The following SCRG1 variants were observed in gnomAD, a reference collection of about 807,000 sequenced individuals.
SCRG1 encodes the protein scrapie-responsive protein 1.
Under a neutral mutation model 7.7 loss-of-function variants are expected in SCRG1, and 3 were observed. That is an observed-to-expected ratio of 0.39 (90% CI 0.18 to 1.01). The LOEUF is 1.01. SCRG1 is among the 50% of genes least tolerant of loss of function. The pLI is 0.36. For missense variants in SCRG1, 110 were observed against 117.2 expected, an observed-to-expected ratio of 0.94 and a Z score of 0.28; for synonymous variants, 46 against 41.2, an observed-to-expected ratio of 1.12 and a Z score of -0.44.
the SCRG1 span, among the ~76,000 whole-genome samples, chr4:173,418,033 T>G: frequency 6.6e-6 from 1 of 152,156 alleles, no homozygotes; most frequent in African/African-American, 2.4e-5. Context: ...GCTATAACTC[T>G]GATGGGCTCA....
At chr4:173,447,011 T>C in the SCRG1 span, among the ~76,000 whole-genome samples, 4 of 152,242 alleles carry the variant, frequency 2.6e-5, no homozygotes, top group African/African-American at 7.2e-5. Flanking sequence ...ATATGAATTT[T>C]AGAAAATTTT....
At chr4:173,419,695 A>G in the SCRG1 span, 97 of 861,370 alleles carry the variant, frequency 1.1e-4, 1 homozygote, top group African/African-American at 9.1e-4. Flanking sequence ...TCGGGGCACC[A>G]AACACTTTAT....
chr4:173,509,736 CG>C, the SCRG1 span, among the ~76,000 whole-genome samples: 2 of 151,996 alleles, frequency 1.3e-5, no homozygotes, highest in African/African-American at 2.4e-5. The surrounding 1 kb of genome is among the most constrained non-coding windows in gnomAD (Gnocchi z 5.7). Flanking sequence ...GGGCCCTTCT[CG>C]GGGGAGATAT....
At chr4:173,464,908 C>G in the SCRG1 span, among the ~76,000 whole-genome samples, 1 of 152,106 alleles carries the variant, frequency 6.6e-6, no homozygotes, top group Non-Finnish European at 1.5e-5. Context: ...ATTGTTTAGC[C>G]TTACATAGGA....
chr4:173,439,527 AT>A, the SCRG1 span, among the ~76,000 whole-genome samples: 1 of 150,110 alleles, frequency 6.7e-6, no homozygotes, highest in East Asian at 2.0e-4. Flanking sequence ...AAAAAAAAAG[AT>A]TTTTTAATAT....
At chr4:173,440,078 AACTC>A in the SCRG1 span, among the ~76,000 whole-genome samples, 1 of 152,204 alleles carries the variant, frequency 6.6e-6, no homozygotes, top group East Asian at 1.9e-4. Flanking sequence ...TATTTAAGCA[AACTC>A]AGTTTCTCTC....
chr4:173,431,367 G>A, the SCRG1 span, among the ~76,000 whole-genome samples: 1 of 152,174 alleles, frequency 6.6e-6, no homozygotes, highest in East Asian at 1.9e-4. Context: ...AAAGCAGACT[G>A]ATTAATTCCA....
chr4:173,434,307 T>C, the SCRG1 span, among the ~76,000 whole-genome samples: 2 of 152,188 alleles, frequency 1.3e-5, no homozygotes, highest in African/African-American at 2.4e-5. Context: ...AAAAGTAGAA[T>C]TATTAATTTC....
intron 2 of SCRG1, 117 bp from the exon 3 acceptor site, chr4:173,388,512 G>A (rs1293107498): frequency 1.5e-6 from 1 of 658,422 alleles, no homozygotes; most frequent in East Asian, 2.9e-5. Context: ...ATTCTTTTTA[G>A]GTGACTAAAA....
the SCRG1 span, among the ~76,000 whole-genome samples, chr4:173,502,835 AC>A: frequency 0.067 from 10,267 of 152,318 alleles, 442 homozygotes; most frequent in Non-Finnish European, 0.093. The surrounding 1 kb of genome is among the most constrained non-coding windows in gnomAD (Gnocchi z 4.6). Context: ...AGCGTCTTCC[AC>A]AGCCCAGGTG....
At chr4:173,511,837 T>C in the SCRG1 span, among the ~76,000 whole-genome samples, 5 of 152,186 alleles carry the variant, frequency 3.3e-5, no homozygotes, top group African/African-American at 4.8e-5. The surrounding 1 kb of genome is among the most constrained non-coding windows in gnomAD (Gnocchi z 5.2). Flanking sequence ...AGGAGGACAT[T>C]TTAAACTTCT....
At chr4:173,479,435 G>GTTTGTT in the SCRG1 span, among the ~76,000 whole-genome samples, 1 of 125,930 alleles carries the variant, frequency 7.9e-6, no homozygotes, top group East Asian at 2.6e-4. Context: ...TTGTTTGTTT[G>GTTTGTT]TTTTTTTGTT....
the SCRG1 span, among the ~76,000 whole-genome samples, chr4:173,412,811 T>C: frequency 0.95 from 144,312 of 152,202 alleles, 68,889 homozygotes; most frequent in East Asian, 1. Flanking sequence ...CACAGCTGGG[T>C]ACCAGAAGCA....
chr4:173,409,466 A>T (rs1739991740), upstream of SCRG1, among the ~76,000 whole-genome samples: 1 of 151,898 alleles, frequency 6.6e-6, no homozygotes, highest in African/African-American at 2.4e-5. Context: ...CTCCCATGAA[A>T]CTATTTGTGC....
chr4:173,469,080 T>A, the SCRG1 span: 1 of 152,188 alleles, frequency 6.6e-6, no homozygotes, highest in Non-Finnish European at 1.5e-5. Flanking sequence ...ACAGACTGCC[T>A]GAGGCCTCTT....
intron 2 of SCRG1, 41 bp from the exon 3 acceptor site, chr4:173,388,436 T>C (rs1293034874): frequency 2.9e-6 from 4 of 1,378,444 alleles, no homozygotes; most frequent in Non-Finnish European, 4.1e-6. Context: ...ACCTTAAGGC[T>C]AAGATATTAG....
At chr4:173,502,512 G>A in the SCRG1 span, among the ~76,000 whole-genome samples, 1 of 152,168 alleles carries the variant, frequency 6.6e-6, no homozygotes, top group Non-Finnish European at 1.5e-5. The surrounding 1 kb of genome is among the most constrained non-coding windows in gnomAD (Gnocchi z 4.6). Flanking sequence ...GCTCTCCGTT[G>A]CCTGGCTCCT....
the SCRG1 span, among the ~76,000 whole-genome samples, chr4:173,435,198 G>T: frequency 4.6e-5 from 7 of 152,048 alleles, no homozygotes; most frequent in East Asian, 9.6e-4. Context: ...ACCACTTAAA[G>T]TATGAGGAGC....
the SCRG1 span, among the ~76,000 whole-genome samples, chr4:173,485,939 C>T: frequency 2.0e-5 from 3 of 152,242 alleles, no homozygotes; most frequent in South Asian, 4.1e-4. Context: ...CACCGCACTC[C>T]AGCCTGGGCA....
Sources: allele counts gnomAD v4.1 joint callset (sites outside exome capture counted in the v4.1 genomes callset), GRCh38; gene constraint gnomAD v4.1.1; non-coding constraint Gnocchi (gnomAD v3.1); transcripts MANE v1.5; gene names NCBI Gene and HGNC (gene_info 2026-07-23, HGNC 2026-07-21).